Variants in CDC42BPB observed in about 807,000 individuals in gnomAD.
The protein encoded by CDC42BPB is CDC42 binding protein kinase beta, also known as serine/threonine-protein kinase MRCK beta.
CDC42BPB carries 37 observed loss-of-function variants against 214.9 expected under a neutral mutation model. The observed-to-expected ratio is 0.17, with a 90% CI of 0.13 to 0.23. The LOEUF is 0.23. Among genes scored for constraint, CDC42BPB ranks in the 10% least tolerant of loss-of-function variants. The probability of loss-of-function intolerance (pLI) is 1.00; values close to 1 mark genes in which losing one functional copy is unlikely to be tolerated. For missense variants in CDC42BPB, 1,694 were observed against 2,227.0 expected (o/e 0.76, Z 4.82); for synonymous variants, 931 against 884.0 (o/e 1.05, Z -0.94).
Position 102,976,055 on chromosome 14 carries a change from A to G in CDC42BPB, c.1221-6T>C, listed in dbSNP as rs1893727587. The stretch of plus-strand genomic sequence containing the variant: ...AGCCTCGATCAGAAAAACAGCTGGG[A>G]AACCAAGCAACAGGTTTTTTTGATC... On this transcript the variant is annotated splice_polypyrimidine_tract_variant and splice_region_variant and intron_variant, in intron 9 of 36. Coordinates refer to ENST00000361246, the MANE Select transcript of CDC42BPB (RefSeq NM_006035.4). 1 of 1,606,530 alleles carries G rather than the reference A, an allele frequency of 6.2e-7. No homozygotes were observed. The highest frequency in any genetic ancestry group is 8.5e-7 in the Non-Finnish European group (1 of 1,174,092).
chr14:102,962,858 A>AG (rs1438095360), intron 20 of CDC42BPB, among the ~76,000 whole-genome samples: 1 of 152,254 alleles, frequency 6.6e-6, no homozygotes, highest in African/African-American at 2.4e-5. Flanking sequence ...TCAAAAAAAA[A>AG]GGAAGGATAA....
chr14:102,966,648 T>C lies in CDC42BPB; in HGVS notation c.2472-261A>G, dbSNP rs145625468. 8.2e-3 allele frequency: 2,493 copies of C among 304,132 alleles called. 20 individuals carry two copies. The highest frequency in any genetic ancestry group is 0.01 in the Non-Finnish European group (2,126 of 207,124). The allele number at this position is 304,132 out of a possible 1,614,324, so 18.8% of individuals were successfully genotyped here. A position where few individuals can be genotyped will look rare whatever the true frequency, so the allele number is the denominator to read the frequency against. On this transcript the variant is annotated intron_variant, in intron 17 of 36. Transcript: ENST00000361246. ...CTATTACTCCATAAATATATATACC[T>C]ACTACGCACCCACAAAAATTAAAAA...
chr14:102,995,010 C>G (rs1894662871), intron 5 of CDC42BPB, among the ~76,000 whole-genome samples: 1 of 152,208 alleles, frequency 6.6e-6, no homozygotes, highest in African/African-American at 2.4e-5. Context: ...CAGATTTCCT[C>G]TACTTCATCT....
intron 30 of CDC42BPB, chr14:102,941,619 A>G: frequency 1.1e-6 from 1 of 920,954 alleles, no homozygotes. Flanking sequence ...GCTTGCAAGG[A>G]AGCAGGAAGA....
intron 1 of CDC42BPB, among the ~76,000 whole-genome samples, chr14:103,040,347 T>C (rs750511830): frequency 7.9e-5 from 12 of 151,770 alleles, no homozygotes; most frequent in Admixed American, 1.3e-4. Context: ...AGAGCAAGAC[T>C]CCGTCTCAAA....
At chr14:102,939,327 T>C (rs865947596) in intron 34 of CDC42BPB, among the ~76,000 whole-genome samples, 2 of 152,230 alleles carry the variant, frequency 1.3e-5, no homozygotes, top group Non-Finnish European at 2.9e-5. Flanking sequence ...ATGGCAAACG[T>C]CCTTAGGAAG....
chr14:103,025,796 G>A (rs1361519599), intron 1 of CDC42BPB, among the ~76,000 whole-genome samples: 1 of 146,866 alleles, frequency 6.8e-6, no homozygotes, highest in African/African-American at 2.5e-5. Flanking sequence ...GACAGAGCGA[G>A]ACTCTGTCTC....
At chr14:102,956,410 G>T in intron 21 of CDC42BPB, 1 of 979,360 alleles carries the variant, frequency 1.0e-6, no homozygotes, top group Non-Finnish European at 1.2e-6. Flanking sequence ...CATGTTTCAT[G>T]CAGGCAGCGT....
intron 21 of CDC42BPB, among the ~76,000 whole-genome samples, chr14:102,959,030 C>T (rs1008704887): frequency 3.3e-5 from 5 of 150,424 alleles, no homozygotes; most frequent in Admixed American, 6.6e-5. Flanking sequence ...GGCGTGGTGG[C>T]TCACGCCTGT....
intron 30 of CDC42BPB, chr14:102,940,576 A>G (rs1314799562): frequency 1.0e-6 from 1 of 979,176 alleles, no homozygotes; most frequent in African/African-American, 1.6e-5. Context: ...ACTACAGTAC[A>G]GATGTTGAAG....
intron 24 of CDC42BPB, chr14:102,950,907 A>G (rs1395622099): frequency 6.5e-6 from 1 of 153,592 alleles, no homozygotes; most frequent in Non-Finnish European, 1.4e-5. Flanking sequence ...CGGAGGTTGC[A>G]GTGAGCTGAG....
chr14:102,968,869 C>T lies in CDC42BPB; in HGVS notation c.1996-153G>A, dbSNP rs143575725. ...CAGATGACGTAGCTGACCTGGCTAACGTGATCCAGGTTCTAGGGGGTCACA... is the reference window on the plus strand; with the variant it reads ...CAGATGACGTAGCTGACCTGGCTAATGTGATCCAGGTTCTAGGGGGTCACA... On this transcript the variant is annotated intron_variant, in intron 14 of 36. Coordinates refer to ENST00000361246, the MANE Select transcript of CDC42BPB (RefSeq NM_006035.4). The T allele has an allele frequency of 2.8e-4, 279 of 985,468 alleles. No homozygotes were observed. In the African/African-American group the frequency reaches 4.4e-3, roughly 15 times the overall value. The allele number at this position is 985,468 out of a possible 1,614,324, so 61.0% of individuals were successfully genotyped here.
intron 1 of CDC42BPB, among the ~76,000 whole-genome samples, chr14:103,022,770 C>T (rs1054417222): frequency 7.9e-5 from 12 of 152,126 alleles, no homozygotes; most frequent in African/African-American, 2.9e-4. Context: ...ACAAAATAAA[C>T]GCCCCAAGCT....
chr14:103,016,007 C>T lies in CDC42BPB; in HGVS notation c.176-3819G>A, dbSNP rs531130906. ...CTGGGATTACAGGCGTGAGCCACTG[C>T]GCCCGGCCGAGGCTGGAATTTTTAA... is the stretch of plus-strand genomic sequence containing the variant. On this transcript the variant is annotated intron_variant, in intron 1 of 36. Transcript: ENST00000361246. Among the ~76,000 whole-genome samples, 20 of 152,132 alleles carry T rather than the reference C, an allele frequency of 1.3e-4. No individual in the cohort carries two copies. The East Asian group carries it at 3.3e-3, about 25-fold the overall frequency.
At chr14:103,009,485 G>T (rs192801950) in intron 2 of CDC42BPB, among the ~76,000 whole-genome samples, 1 of 152,194 alleles carries the variant, frequency 6.6e-6, no homozygotes, top group Non-Finnish European at 1.5e-5. Flanking sequence ...AGCAAAGGCC[G>T]CATGGAAAGG....
intron 26 of CDC42BPB, among the ~76,000 whole-genome samples, 162 bp downstream of exon 26, chr14:102,949,603 C>T (rs1892387061): frequency 6.6e-6 from 1 of 152,150 alleles, no homozygotes; most frequent in South Asian, 2.1e-4. Flanking sequence ...CATGTGAGCG[C>T]CTGAAGTCAT....
chr14:102,940,289 A>G lies in CDC42BPB; in HGVS notation c.4444T>C (p.Tyr1482His). The G allele has an allele frequency of 3.1e-6, 5 of 1,587,320 alleles. No homozygotes were observed. Among genetic ancestry groups the G allele is most frequent in the Non-Finnish European group, 3.4e-6 (4 of 1,166,884 alleles). The change falls in exon 31 of 37, where the codon TAT (tyrosine) becomes CAT (histidine). Residue 1482 changes from tyrosine (Y) to histidine (H), a missense_variant. Tyr to His is a moderately conservative substitution (Grantham distance 83). Coordinates refer to ENST00000361246, the MANE Select transcript of CDC42BPB (RefSeq NM_006035.4). The part of the protein sequence containing the change: ...SPTHVTVYSE[Y>H]GVDVFDVRTM... ...CGCACATCAAAGACGTCCACGCCAT[A>G]CTCGCTGTACACCGTGACGTGGGTG...
At chr14:103,043,293 A>C (rs1888110804) in intron 1 of CDC42BPB, among the ~76,000 whole-genome samples, 1 of 152,222 alleles carries the variant, frequency 6.6e-6, no homozygotes, top group Non-Finnish European at 1.5e-5. Flanking sequence ...ACAGATGTCC[A>C]TCAACTGATG....
intron 5 of CDC42BPB, among the ~76,000 whole-genome samples, chr14:102,988,640 A>G (rs568309682): frequency 4.6e-5 from 7 of 152,286 alleles, no homozygotes; most frequent in Non-Finnish European, 1.0e-4. Flanking sequence ...CCAACTACAT[A>G]AAGAAATCAA....
Sources: allele counts gnomAD v4.1 joint callset (sites outside exome capture counted in the v4.1 genomes callset), GRCh38; gene constraint gnomAD v4.1.1; transcripts MANE v1.5; gene names NCBI Gene and HGNC (gene_info 2026-07-23, HGNC 2026-07-21).